Variants in NF1 observed in about 807,000 individuals in gnomAD.
NF1 encodes neurofibromin 1.
Under a neutral mutation model 325.7 loss-of-function variants are expected in NF1, and 122 were observed. The observed-to-expected ratio is 0.37, with a 90% CI of 0.32 to 0.44. NF1 has a LOEUF of 0.44. Among genes scored for constraint, NF1 ranks in the 20% least tolerant of loss-of-function variants. The pLI, the probability that NF1 is intolerant of heterozygous loss-of-function variation, is 1.00. For synonymous variants in NF1, 1,091 were observed against 1,186.0 expected, an observed-to-expected ratio of 0.92 and a Z score of 1.65; for missense variants, 2,140 against 3,415.4, an observed-to-expected ratio of 0.63 and a Z score of 9.31.
chr17:31,161,151 T>C (rs1334416359), intron 3 of NF1, among the ~76,000 whole-genome samples: 1 of 152,230 alleles, frequency 6.6e-6, no homozygotes, highest in Non-Finnish European at 1.5e-5. Context: ...CAATATGTTA[T>C]GAGTGCAATT....
rs2067663471 is a variant in NF1, at chr17:31,260,407, A to G, written c.4469A>G (p.Asp1490Gly). The G allele has an allele frequency of 6.2e-7, 1 of 1,614,024 alleles. No individual in the cohort carries two copies. The highest frequency in any genetic ancestry group is 8.5e-7 in the Non-Finnish European group (1 of 1,179,956). ...LDIASDCPTS[D>G]AVNHSLSFIS... ...ATAGCATCTGATTGTCCTACAAGTGATGCAGTAAATCATAGTCTTTCCTTC... is the reference window on the plus strand; with the variant it reads ...ATAGCATCTGATTGTCCTACAAGTGGTGCAGTAAATCATAGTCTTTCCTTC... Residue 1490 changes from aspartate to glycine, a missense_variant, in exon 34 of 58, where the codon GAT (aspartate) becomes GGT (glycine). Asp to Gly is a moderately conservative substitution (Grantham distance 94). Transcript: ENST00000358273.
intron 29 of NF1, among the ~76,000 whole-genome samples, chr17:31,240,228 C>T (rs1460953724): frequency 6.6e-6 from 1 of 152,146 alleles, no homozygotes; most frequent in Non-Finnish European, 1.5e-5. Flanking sequence ...TTCCCCACCC[C>T]CCACTACACT....
intron 36 of NF1, among the ~76,000 whole-genome samples, chr17:31,323,120 G>A (rs539415435): frequency 6.6e-6 from 1 of 152,194 alleles, no homozygotes; most frequent in East Asian, 1.9e-4. Flanking sequence ...ATAAAAGCAG[G>A]ACATGGTGGC....
intron 5 of NF1, among the ~76,000 whole-genome samples, chr17:31,179,084 A>G (rs986899026): frequency 6.6e-6 from 1 of 152,230 alleles, no homozygotes; most frequent in Non-Finnish European, 1.5e-5. Context: ...ACCACATTGC[A>G]CTTATTCCAA....
intron 36 of NF1, chr17:31,321,039 A>T (rs1354361070): frequency 6.6e-6 from 1 of 152,308 alleles, no homozygotes; most frequent in South Asian, 2.1e-4. Flanking sequence ...GTATGACAAA[A>T]TGAGACTTTC....
Position 31,114,527 on chromosome 17 carries a change from GACT to G in NF1, c.60+19159_60+19161del, listed in dbSNP as rs768177123. On this transcript the variant is annotated intron_variant, in intron 1 of 57. Transcript: ENST00000358273. Reference sequence around the variant, plus strand: ...CACTCCAGCCTGGGTGACAGAGTGAGACTGTCTCACAAAAAAGAATAAAAAAAA... The same window carrying G: ...CACTCCAGCCTGGGTGACAGAGTGAGGTCTCACAAAAAAGAATAAAAAAAA... Among the ~76,000 whole-genome samples the G allele has an allele frequency of 3.7e-4, 56 of 149,868 alleles. 1 individual carries two copies. The highest frequency in any genetic ancestry group is 2.3e-3 in the South Asian group (11 of 4,746).
intron 36 of NF1, among the ~76,000 whole-genome samples, chr17:31,285,816 TA>T (rs34995807): frequency 1.3e-5 from 2 of 152,212 alleles, no homozygotes; most frequent in South Asian, 2.1e-4. Context: ...GACCCTGTCT[TA>T]AAAAAAGTTT....
chr17:31,175,762 T>A (rs1567823432), intron 5 of NF1, among the ~76,000 whole-genome samples: 1 of 152,100 alleles, frequency 6.6e-6, no homozygotes, highest in Non-Finnish European at 1.5e-5. Flanking sequence ...CACTTATGAG[T>A]GAGAACATGT....
intron 11 of NF1, among the ~76,000 whole-genome samples, chr17:31,203,168 A>G (rs1452357817): frequency 6.6e-6 from 1 of 152,198 alleles, no homozygotes; most frequent in Non-Finnish European, 1.5e-5. Context: ...GGTTCCAAGC[A>G]TGCCTGGAGT....
intron 36 of NF1, among the ~76,000 whole-genome samples, chr17:31,269,072 C>T (rs764199185): frequency 2.0e-5 from 3 of 151,868 alleles, no homozygotes; most frequent in East Asian, 1.9e-4. Flanking sequence ...CAATGTCTTT[C>T]GAAACCATTT....
At chr17:31,296,460 G>A in intron 36 of NF1, 1 of 886,484 alleles carries the variant, frequency 1.1e-6, no homozygotes, top group Non-Finnish European at 1.9e-6. Flanking sequence ...TTTTATAATT[G>A]TTCCAGTGAT....
At chr17:31,250,503 A>C (rs1265416405) in intron 30 of NF1, 1 of 205,598 alleles carries the variant, frequency 4.9e-6, no homozygotes, top group East Asian at 7.5e-5. Flanking sequence ...GTTAAAAGTG[A>C]ATGGGGACTG....
intron 1 of NF1, among the ~76,000 whole-genome samples, chr17:31,142,006 T>G (rs1350590344): frequency 6.6e-6 from 1 of 152,164 alleles, no homozygotes; most frequent in East Asian, 1.9e-4. Flanking sequence ...CCCATTATGG[T>G]CTAAGGGGCC....
At chr17:31,147,027 T>C (rs1047001167) in intron 1 of NF1, among the ~76,000 whole-genome samples, 2 of 152,252 alleles carry the variant, frequency 1.3e-5, no homozygotes, top group African/African-American at 4.8e-5. Context: ...GCCAATTTGT[T>C]TTTGTTTTTT....
intron 15 of NF1, chr17:31,222,146 C>T (rs1006921174): frequency 3.2e-6 from 4 of 1,268,562 alleles, no homozygotes; most frequent in African/African-American, 3.1e-5. Context: ...AAGAATAGTG[C>T]TAAATTTTGT....
At position 31,374,067 on chromosome 17, in the gene NF1, G is replaced by T. The variant is rs2151601409; in HGVS notation, c.8432G>T (p.Gly2811Val). 2.5e-6 allele frequency: 4 copies of T among 1,614,076 alleles called. No individual in the cohort carries two copies. Among genetic ancestry groups the T allele is most frequent in the Non-Finnish European group, 3.4e-6 (4 of 1,179,972 alleles). The change falls in exon 58 of 58, where the codon GGA (glycine) becomes GTA (valine). Residue 2811 changes from glycine (G) to valine (V), a missense_variant. This residue lies in a region of NF1 where 522 missense variants were observed against 749.0 expected (regional missense o/e 0.70). Transcript: ENST00000358273. ...CCTACCACTGGCCACTGTAACAGTG[G>T]ACGAACTCGCCACGGATCCGCAAGC... ...LSPTTGHCNS[G>V]RTRHGSASQV...
At chr17:31,200,355 A>T (rs1597680606) in intron 8 of NF1, 67 bp from the exon 9 acceptor site, 1 of 1,470,158 alleles carries the variant, frequency 6.8e-7, no homozygotes, top group East Asian at 2.3e-5. Context: ...ATTTGCTATA[A>T]TATTAGCTAC....
At chr17:31,359,520 C>T (rs17880952) in intron 56 of NF1, 12 of 170,030 alleles carry the variant, frequency 7.1e-5, no homozygotes, top group Admixed American at 3.0e-4. Flanking sequence ...AGTGCAGTGG[C>T]GCAATCTTGG....
intron 57 of NF1, among the ~76,000 whole-genome samples, chr17:31,365,387 AGAG>A (rs2070495251): frequency 6.6e-6 from 1 of 152,006 alleles, no homozygotes; most frequent in Non-Finnish European, 1.5e-5. Context: ...GATATTCTTC[AGAG>A]GAGAATTGTT....
Sources: gnomAD v4.1 joint callset for allele counts (sites outside exome capture counted in the v4.1 genomes callset) on GRCh38, gnomAD v4.1.1 for gene constraint, gnomAD v4.1.1 regional missense constraint, MANE v1.5 for transcripts, NCBI Gene and HGNC (gene_info 2026-07-23, HGNC 2026-07-21) for gene names.